Variants in CLIC4 observed in about 807,000 individuals in gnomAD.
The protein encoded by CLIC4 is CLIC family member 4, also known as chloride intracellular channel protein 4.
In CLIC4, 13 loss-of-function variants were observed where a neutral mutation model predicts 24.6. The observed-to-expected ratio is 0.53, with a 90% CI of 0.34 to 0.84. The LOEUF is 0.84. CLIC4 is among the 40% of genes least tolerant of loss of function. The probability of loss-of-function intolerance (pLI) is 0.01; values close to 1 mark genes in which losing one functional copy is unlikely to be tolerated. For missense variants in CLIC4, 227 were observed against 301.7 expected (o/e 0.75, Z 1.83); for synonymous variants, 104 against 111.3 (o/e 0.93, Z 0.41).
intron 1 of CLIC4, among the ~76,000 whole-genome samples, chr1:24,789,475 G>A (rs1473215424): frequency 2.0e-5 from 3 of 152,136 alleles, no homozygotes; most frequent in East Asian, 1.9e-4. Context: ...CCGTGATCGC[G>A]CCATTGCATT....
In CLIC4 at chr1:24,827,007, T is replaced by G. The variant is rs1325809391; in HGVS notation, c.309-3T>G. 6.3e-7 allele frequency: 1 copy of G among 1,591,418 alleles called. No homozygotes were observed. The highest frequency in any genetic ancestry group is 1.1e-5 in the South Asian group (1 of 87,756). On this transcript the variant is annotated splice_polypyrimidine_tract_variant and splice_region_variant and intron_variant, in intron 3 of 5. Transcript: ENST00000374379. Reference sequence around the variant, plus strand: ...TATAATCCATATCACTTTTTCTATTTAGGTACTTAAAGCTTTCACCAAAAC... The same window carrying G: ...TATAATCCATATCACTTTTTCTATTGAGGTACTTAAAGCTTTCACCAAAAC...
rs555908724 is a variant in CLIC4, at chr1:24,828,353, T to C, written c.415+1237T>C. On this transcript the variant is annotated intron_variant, in intron 4 of 5. Coordinates refer to ENST00000374379, the MANE Select transcript of CLIC4 (RefSeq NM_013943.3). ...AGCTGCCATGGTTTGGAAGCAATTT[T>C]CTTTAGTAATTGGCTTTTTTTTTTC... Among the ~76,000 whole-genome samples the C allele has an allele frequency of 2.0e-5, 3 of 152,154 alleles. No individual in the cohort carries two copies. In the South Asian group the frequency reaches 6.2e-4, roughly 32 times the overall value.
chr1:24,757,235 T>G (rs1396708147), intron 1 of CLIC4, among the ~76,000 whole-genome samples: 4 of 152,092 alleles, frequency 2.6e-5, no homozygotes, highest in African/African-American at 9.7e-5. Context: ...TTCACCATGT[T>G]GGGTAGGCTG....
At chr1:24,803,488 A>G (rs1317663740) in intron 2 of CLIC4, among the ~76,000 whole-genome samples, 1 of 152,224 alleles carries the variant, frequency 6.6e-6, no homozygotes, top group Non-Finnish European at 1.5e-5. Flanking sequence ...CTATGCTGGT[A>G]GTATTCATGT....
chr1:24,838,510 G>A (rs1249824660), intron 4 of CLIC4, among the ~76,000 whole-genome samples: 1 of 152,168 alleles, frequency 6.6e-6, no homozygotes, highest in Non-Finnish European at 1.5e-5. Flanking sequence ...TAGGACATAT[G>A]TACATTGCTG....
chr1:24,771,755 G>T, intron 1 of CLIC4: 2 of 402,998 alleles, frequency 5.0e-6, no homozygotes, highest in Non-Finnish European at 1.0e-5. Flanking sequence ...TTGGGGTTTT[G>T]TAACTAGCTA....
chr1:24,791,784 G>C, intron 1 of CLIC4, among the ~76,000 whole-genome samples: 1 of 152,076 alleles, frequency 6.6e-6, no homozygotes. Flanking sequence ...GTTGAGGCAG[G>C]AGAATCACTT....
At chr1:24,809,843 C>G (rs1212590225) in intron 2 of CLIC4, among the ~76,000 whole-genome samples, 1 of 152,168 alleles carries the variant, frequency 6.6e-6, no homozygotes, top group East Asian at 1.9e-4. Flanking sequence ...AACTTAATAA[C>G]AAGATAAACA....
At position 24,762,957 on chromosome 1, in the gene CLIC4, A is replaced by G. The variant is rs564653815; in HGVS notation, c.72+17332A>G. 6.6e-5 allele frequency among the ~76,000 whole-genome samples: 10 copies of G among 152,212 alleles called. No homozygotes were observed. In the South Asian group the frequency reaches 2.1e-3, roughly 32 times the overall value. On this transcript the variant is annotated intron_variant, in intron 1 of 5. Transcript: ENST00000374379. ...GAAAGAAGTGGAAAATTAAAGAGAG[A>G]CATGGTTTAATGGATGTCCTTCAAG...
At position 24,841,076 on chromosome 1, in the gene CLIC4, A is replaced by G. The variant is rs1571270993; in HGVS notation, c.*139A>G. The G allele has an allele frequency of 8.1e-6, 5 of 615,538 alleles. No homozygotes were observed. The East Asian group carries it at 1.5e-4, about 19-fold the overall frequency. The allele number at this position is 615,538 out of a possible 1,614,324, so 38.1% of individuals were successfully genotyped here. The stretch of plus-strand genomic sequence containing the variant: ...TGAAGATTAGGATCAAGGATAGACA[A>G]GGTATAGTAGTTATCTTAAAATATA... On this transcript the variant is annotated 3_prime_UTR_variant, in exon 6 of 6. Transcript: ENST00000374379.
chr1:24,775,343 T>C (rs1316060389), intron 1 of CLIC4, among the ~76,000 whole-genome samples: 1 of 151,402 alleles, frequency 6.6e-6, no homozygotes, highest in Non-Finnish European at 1.5e-5. Flanking sequence ...TTTGTCTTTT[T>C]TTGGGAAAAT....
chr1:24,803,506 G>C (rs950442770), intron 2 of CLIC4, among the ~76,000 whole-genome samples: 1 of 152,164 alleles, frequency 6.6e-6, no homozygotes, highest in Non-Finnish European at 1.5e-5. Context: ...TGTGTCCCTT[G>C]TGAGGCTGTG....
rs760229882 is a variant in CLIC4 at position 24,745,520 on chromosome 1, C to T, written c.-34C>T. The T allele has an allele frequency of 7.7e-6, 12 of 1,554,772 alleles. No homozygotes were observed. In the Admixed American group the frequency reaches 2.3e-4, roughly 30 times the overall value. ...GCAGAAGCAGCAGCAGCAGCAGCAG[C>T]CCTCGCCGTTCGCGGAGCGCAGCCG... is the stretch of plus-strand genomic sequence containing the variant. On this transcript the variant is annotated 5_prime_UTR_variant, in exon 1 of 6. Transcript: ENST00000374379.
At chr1:24,812,061 C>T (rs1159716522) in intron 2 of CLIC4, among the ~76,000 whole-genome samples, 1 of 152,002 alleles carries the variant, frequency 6.6e-6, no homozygotes, top group Non-Finnish European at 1.5e-5. Context: ...TTTTAAATTC[C>T]CTTTATAGTT....
intron 1 of CLIC4, among the ~76,000 whole-genome samples, chr1:24,752,980 C>T (rs538676547): frequency 7.2e-4 from 109 of 152,284 alleles, no homozygotes; most frequent in Non-Finnish European, 1.3e-3. Context: ...CTTGGCCTCC[C>T]GAAGTGCTGG....
chr1:24,786,703 T>C (rs761640924), intron 1 of CLIC4, among the ~76,000 whole-genome samples: 50 of 151,948 alleles, frequency 3.3e-4, no homozygotes, highest in Admixed American at 1.2e-3. Context: ...CTGCAAGCTC[T>C]GCCTCCCAGG....
intron 1 of CLIC4, among the ~76,000 whole-genome samples, chr1:24,767,707 A>G (rs1010378832): frequency 4.6e-5 from 7 of 152,070 alleles, no homozygotes; most frequent in Non-Finnish European, 1.5e-5. Flanking sequence ...ATTAGTAGTG[A>G]GAATGTTTTT....
chr1:24,759,902 A>G (rs1457305138), intron 1 of CLIC4, among the ~76,000 whole-genome samples: 1 of 151,908 alleles, frequency 6.6e-6, no homozygotes, highest in African/African-American at 2.4e-5. Flanking sequence ...CACAGTGAGT[A>G]GTAATCCATA....
intron 4 of CLIC4, among the ~76,000 whole-genome samples, chr1:24,839,000 G>A (rs1218516664): frequency 6.6e-6 from 1 of 152,116 alleles, no homozygotes; most frequent in Non-Finnish European, 1.5e-5. Context: ...TCCTTAATCT[G>A]ACCTTTGTGT....
Sources: gnomAD v4.1 joint callset for allele counts (sites outside exome capture counted in the v4.1 genomes callset) on GRCh38, gnomAD v4.1.1 for gene constraint, MANE v1.5 for transcripts, NCBI Gene and HGNC (gene_info 2026-07-23, HGNC 2026-07-21) for gene names.